REST: variants seen among roughly 807,000 people sequenced by gnomAD.
REST encodes RE1-silencing transcription factor.
A neutral mutation model predicts 30.4 loss-of-function variants in REST; 1 was observed. The observed-to-expected ratio is 0.03, with a 90% CI of 0.01 to 0.16. The LOEUF (loss-of-function observed/expected upper bound fraction) is 0.16, where lower values mean the gene tolerates loss of function less well. Among genes scored for constraint, REST ranks in the 10% least tolerant of loss-of-function variants. The pLI is 1.00. For synonymous variants in REST, 504 were observed against 451.1 expected, an observed-to-expected ratio of 1.12 and a Z score of -1.49; for missense variants, 1,259 against 1,329.5, an observed-to-expected ratio of 0.95 and a Z score of 0.82.
At chr4:56,911,567 G>C in intron 2 of REST, 31 bp downstream of exon 2, 8 of 1,559,834 alleles carry the variant, frequency 5.1e-6, no homozygotes, top group South Asian at 3.5e-5. Flanking sequence ...CATAAGTTCA[G>C]TTCTCTTTTC....
In REST at chr4:56,930,423, A is replaced by G. The variant is rs1483986355; in HGVS notation, c.1565A>G (p.Lys522Arg). 6.2e-7 allele frequency: 1 copy of G among 1,614,056 alleles called. No homozygotes were observed. The highest frequency in any genetic ancestry group is 2.2e-5 in the East Asian group (1 of 44,868). Residue 522 changes from lysine (K) to arginine (R), a missense_variant, in exon 4 of 4, where the codon AAG becomes AGG. Physicochemically the swap from Lys to Arg is conservative, Grantham distance 26 (BLOSUM62 2). Coordinates refer to ENST00000309042, the MANE Select transcript of REST (RefSeq NM_005612.5). ...AGTAAAACTAAGAAAAGCAAAAGGA[A>G]GCTGGAAGTTGACAGCCATTCTTTA... ...KFSKTKKSKR[K>R]LEVDSHSLHG...
rs1230728158 is a variant in REST at position 56,932,160 on chromosome 4, T to C, written c.*8T>C. Reference sequence around the variant, plus strand: ...GCTCAAGGGCAGGAGTAATGAAACTTTGAACAAGGTTTCAGTTCTTAGTTT... The same window carrying C: ...GCTCAAGGGCAGGAGTAATGAAACTCTGAACAAGGTTTCAGTTCTTAGTTT... On this transcript the variant is annotated 3_prime_UTR_variant, in exon 4 of 4. Transcript: ENST00000309042. 6.3e-7 allele frequency: 1 copy of C among 1,588,408 alleles called. No homozygotes were observed. Among genetic ancestry groups the C allele is most frequent in the South Asian group, 1.1e-5 (1 of 87,184 alleles).
intron 2 of REST, among the ~76,000 whole-genome samples, chr4:56,916,922 G>A (rs1031942420): frequency 3.9e-5 from 6 of 152,102 alleles, no homozygotes; most frequent in Admixed American, 6.6e-5. Context: ...CAACATTTTG[G>A]GTAATTGCCA....
intron 2 of REST, 116 bp from the exon 3 acceptor site, chr4:56,919,671 A>G: frequency 4.1e-6 from 2 of 482,640 alleles, no homozygotes; most frequent in Middle Eastern, 3.3e-4. Flanking sequence ...CAGAAATAGG[A>G]AAAAAAAATT....
At chr4:56,927,713 T>C in intron 3 of REST, 2 of 901,014 alleles carry the variant, frequency 2.2e-6, no homozygotes, top group African/African-American at 1.8e-5. Context: ...AATTTGGGGG[T>C]GGGGGTTCTG....
rs761321874 is a variant in REST, at chr4:56,933,855, A to G, written c.*1703A>G. The G allele has an allele frequency of 5.3e-5, 8 of 152,198 alleles. No individual in the cohort carries two copies. Among genetic ancestry groups the G allele is most frequent in the Non-Finnish European group, 1.0e-4 (7 of 68,032 alleles). The allele number at this position is 152,198 out of a possible 1,614,324, so 9.4% of individuals were successfully genotyped here. On this transcript the variant is annotated 3_prime_UTR_variant, in exon 4 of 4. Transcript: ENST00000309042. ...TTTTGAAATAACCACTTTATATTTC[A>G]TTTTTTAAAAATCTGATGATCTCTT...
In REST at chr4:56,931,191, A is replaced by G. The variant is rs146786246; in HGVS notation, c.2333A>G (p.Gln778Arg). 6.4e-5 allele frequency: 103 copies of G among 1,613,906 alleles called. No homozygotes were observed. The highest frequency in any genetic ancestry group is 3.3e-5 in the Non-Finnish European group (39 of 1,179,924). ...PIEVVQKEPV[Q>R]MELSPPMGVV... is the part of the protein sequence containing the mutation. ...GAGGTGGTCCAGAAGGAGCCTGTTC[A>G]GATGGAGTTGTCTCCTCCCATGGGG... The change falls in exon 4 of 4, where the codon CAG becomes CGG. Residue 778 changes from glutamine to arginine, a missense_variant. This residue lies in a region of REST where 856 missense variants were observed against 772.8 expected (regional missense o/e 1.11). Transcript: ENST00000309042.
rs985981629 is a variant in REST, at chr4:56,933,014, A to G, written c.*862A>G. ...ATAGTGTGTGCAAGTTTGTGAGCAA[A>G]TGAAATATGCAGGTTCAATCTATTG... On this transcript the variant is annotated 3_prime_UTR_variant, in exon 4 of 4. Transcript: ENST00000309042. 16 of 152,206 alleles carry G rather than the reference A, an allele frequency of 1.1e-4. No homozygotes were observed. Among genetic ancestry groups the G allele is most frequent in the Admixed American group, 4.6e-4 (7 of 15,278 alleles). 9.4% of individuals were successfully genotyped at this position (152,206 alleles called of 1,614,324 possible).
Position 56,932,323 on chromosome 4 carries a change from A to G in REST, c.*171A>G, listed in dbSNP as rs962003504. On this transcript the variant is annotated 3_prime_UTR_variant, in exon 4 of 4. Coordinates refer to ENST00000309042, the MANE Select transcript of REST (RefSeq NM_005612.5). ...TATGTATACCTGTTGATTGTTGTGTAAATTTTAGTAAATCTAAGAGAGTGT... is the reference window on the plus strand; with the variant it reads ...TATGTATACCTGTTGATTGTTGTGTGAATTTTAGTAAATCTAAGAGAGTGT... 2.1e-5 allele frequency: 14 copies of G among 673,112 alleles called. No individual in the cohort carries two copies. In the Admixed American group the frequency reaches 4.6e-4, roughly 22 times the overall value. 41.7% of individuals were successfully genotyped at this position (673,112 alleles called of 1,614,324 possible).
intron 3 of REST, among the ~76,000 whole-genome samples, chr4:56,924,558 G>A (rs1273804368): frequency 2.6e-5 from 4 of 152,068 alleles, no homozygotes; most frequent in Non-Finnish European, 2.9e-5. Context: ...CTTGGGCTCA[G>A]GCAGTCCTGC....
intron 2 of REST, among the ~76,000 whole-genome samples, chr4:56,912,681 A>AT (rs1719987583): frequency 6.6e-6 from 1 of 151,860 alleles, no homozygotes; most frequent in Non-Finnish European, 1.5e-5. Context: ...CACCCAGCTG[A>AT]TTTTGTATTT....
chr4:56,924,858 C>T (rs546212877), intron 3 of REST, among the ~76,000 whole-genome samples: 1 of 152,170 alleles, frequency 6.6e-6, no homozygotes, highest in African/African-American at 2.4e-5. Flanking sequence ...GCCGCCATTA[C>T]TTTTTACTTA....
rs369403630 is a variant in REST, at chr4:56,926,316, G to A, written c.983-3525G>A. Among the ~76,000 whole-genome samples the A allele has an allele frequency of 2.5e-4, 38 of 151,940 alleles. No homozygotes were observed. The East Asian group carries it at 2.9e-3, about 12-fold the overall frequency. ...TCTCCAACTCCTGACCTCTTGATTC[G>A]CCTGCCTCGGCTTCCCAAAGTGCTG... is the stretch of plus-strand genomic sequence containing the variant. On this transcript the variant is annotated intron_variant, in intron 3 of 3. Coordinates refer to ENST00000309042, the MANE Select transcript of REST (RefSeq NM_005612.5).
chr4:56,920,833 T>C (rs1720413886), intron 3 of REST, among the ~76,000 whole-genome samples: 3 of 152,204 alleles, frequency 2.0e-5, no homozygotes, highest in Admixed American at 2.0e-4. Flanking sequence ...GTAGCCCTGA[T>C]TGACTCTTGG....
At position 56,930,616 on chromosome 4, in the gene REST, T is replaced by A. The variant is rs546657732; in HGVS notation, c.1758T>A (p.Asn586Lys). ...KKSTKKKTLK[N>K]KSSKKSSKPP... is the part of the protein sequence containing the mutation. ...GTACAAAGAAGAAAACTCTGAAAAA[T>A]AAATCAAGTAAGAAAAGCAGTAAGC... Residue 586 changes from asparagine (N) to lysine (K), a missense_variant, in exon 4 of 4, where the codon AAT becomes AAA. Coordinates refer to ENST00000309042, the MANE Select transcript of REST (RefSeq NM_005612.5). 1.3e-4 allele frequency: 213 copies of A among 1,612,532 alleles called. 2 individuals carry two copies. In the South Asian group the frequency reaches 2.3e-3, roughly 18 times the overall value.
chr4:56,928,582 ATTTT>A (rs879452861), intron 3 of REST, among the ~76,000 whole-genome samples: 76 of 139,946 alleles, frequency 5.4e-4, no homozygotes, highest in African/African-American at 1.9e-3. Flanking sequence ...TGCCTGGCTA[ATTTT>A]TTTTTTTTTT....
chr4:56,909,683 C>CT (rs1371351422), intron 1 of REST: 1 of 152,212 alleles, frequency 6.6e-6, no homozygotes, highest in African/African-American at 2.4e-5. Flanking sequence ...GAACTTCTTA[C>CT]TTTTTTTAAT....
chr4:56,935,403 G>A lies in REST; in HGVS notation c.*3251G>A, dbSNP rs1377096677. ...AATTATCTGAATCTTGGTTTGTGTA[G>A]ATTTACAATCTACATGCAATATTAA... On this transcript the variant is annotated 3_prime_UTR_variant, in exon 4 of 4. Coordinates refer to ENST00000309042, the MANE Select transcript of REST (RefSeq NM_005612.5). The A allele has an allele frequency of 1.3e-5, 2 of 152,166 alleles. No individual in the cohort carries two copies. Among genetic ancestry groups the A allele is most frequent in the Non-Finnish European group, 2.9e-5 (2 of 68,040 alleles). The allele number at this position is 152,166 out of a possible 1,614,324, so 9.4% of individuals were successfully genotyped here. A position where few individuals can be genotyped will look rare whatever the true frequency, so the allele number is the denominator to read the frequency against.
Position 56,930,504 on chromosome 4 carries a change from G to A in REST, c.1646G>A (p.Ser549Asn). 6.2e-7 allele frequency: 1 copy of A among 1,611,164 alleles called. No individual in the cohort carries two copies. The highest frequency in any genetic ancestry group is 1.3e-5 in the African/African-American group (1 of 74,756). ...SSTKKKKKVE[S>N]KSKNNSQEVP... ...ACAAAAAAGAAAAAGAAGGTAGAAA[G>A]CAAATCCAAAAATAATAGTCAGGAA... Residue 549 changes from serine to asparagine, a missense_variant, in exon 4 of 4, where the codon AGC becomes AAC. This residue lies in a region of REST where 856 missense variants were observed against 772.8 expected (regional missense o/e 1.11). Coordinates refer to ENST00000309042, the MANE Select transcript of REST (RefSeq NM_005612.5).
Sources: gnomAD v4.1 joint callset for allele counts (sites outside exome capture counted in the v4.1 genomes callset) on GRCh38, gnomAD v4.1.1 for gene constraint, gnomAD v4.1.1 regional missense constraint, MANE v1.5 for transcripts, NCBI Gene and HGNC (gene_info 2026-07-23, HGNC 2026-07-21) for gene names.